The following CSRNP3 variants were observed in gnomAD, a reference collection of about 807,000 sequenced individuals.
CSRNP3 encodes the protein cysteine and serine rich nuclear protein 3, also known as cysteine/serine-rich nuclear protein 3.
CSRNP3 carries 12 observed loss-of-function variants against 48.0 expected under a neutral mutation model. The ratio of observed to expected loss-of-function variants is 0.25; its 90% confidence interval spans 0.16 to 0.41. CSRNP3 has a LOEUF of 0.41. CSRNP3 is among the 10% of genes least tolerant of loss of function. CSRNP3 has a pLI of 1.00. For missense variants in CSRNP3, 580 were observed against 724.4 expected (o/e 0.80, Z 2.29); for synonymous variants, 263 against 269.7 (o/e 0.98, Z 0.24).
At chr2:165,538,867 A>T (rs921202313) in intron 3 of CSRNP3, among the ~76,000 whole-genome samples, 4 of 151,892 alleles carry the variant, frequency 2.6e-5, no homozygotes, top group African/African-American at 9.7e-5. Flanking sequence ...TGCCATTCCT[A>T]GGTACCTGTT....
At chr2:165,580,936 T>G (rs753795070) in intron 3 of CSRNP3, among the ~76,000 whole-genome samples, 1 of 152,172 alleles carries the variant, frequency 6.6e-6, no homozygotes, top group Non-Finnish European at 1.5e-5. Context: ...TTCTTTAGTC[T>G]TAATTGCAAG....
At chr2:165,661,159 T>C (rs1687090883) in intron 5 of CSRNP3, among the ~76,000 whole-genome samples, 1 of 152,234 alleles carries the variant, frequency 6.6e-6, no homozygotes, top group African/African-American at 2.4e-5. Context: ...AATTTCACTC[T>C]GATACTTGAA....
At chr2:165,527,966 A>G (rs747316503) in intron 3 of CSRNP3, among the ~76,000 whole-genome samples, 1 of 151,424 alleles carries the variant, frequency 6.6e-6, no homozygotes, top group African/African-American at 2.4e-5. Flanking sequence ...AAAGAGAAAA[A>G]AGAGAGAGAG....
At chr2:165,476,730 C>T (rs1683967024) in intron 1 of CSRNP3, among the ~76,000 whole-genome samples, 1 of 152,184 alleles carries the variant, frequency 6.6e-6, no homozygotes, top group Admixed American at 6.5e-5. Context: ...TAAATTTGGA[C>T]CAGTTACTTA....
intron 4 of CSRNP3, among the ~76,000 whole-genome samples, chr2:165,644,085 C>T (rs1204879752): frequency 1.3e-5 from 2 of 152,170 alleles, no homozygotes; most frequent in Non-Finnish European, 2.9e-5. Context: ...TCAGGTAACT[C>T]TTCCCCCACC....
At chr2:165,531,781 G>T (rs1353711788) in intron 3 of CSRNP3, among the ~76,000 whole-genome samples, 2 of 151,938 alleles carry the variant, frequency 1.3e-5, no homozygotes, top group East Asian at 1.9e-4. Context: ...CTGGTTTTTT[G>T]AAAAGATCAA....
intron 2 of CSRNP3, among the ~76,000 whole-genome samples, chr2:165,497,761 T>A (rs2105462821): frequency 6.6e-6 from 1 of 152,136 alleles, no homozygotes; most frequent in South Asian, 2.1e-4. Flanking sequence ...AAATGTGAGC[T>A]GGTGGCAGAG....
At chr2:165,628,407 T>C (rs558222139) in intron 4 of CSRNP3, among the ~76,000 whole-genome samples, 1 of 152,292 alleles carries the variant, frequency 6.6e-6, no homozygotes, top group East Asian at 1.9e-4. Context: ...CTAGTGGTTC[T>C]CAAAGTATAG....
At chr2:165,543,464 A>T (rs1382846728) in intron 3 of CSRNP3, among the ~76,000 whole-genome samples, 3 of 152,116 alleles carry the variant, frequency 2.0e-5, no homozygotes, top group African/African-American at 7.2e-5. Context: ...CCACATTTCC[A>T]ATATTATTTA....
chr2:165,643,802 A>G (rs967420499), intron 4 of CSRNP3, among the ~76,000 whole-genome samples: 1 of 152,162 alleles, frequency 6.6e-6, no homozygotes, highest in South Asian at 2.1e-4. Context: ...TTACCCCTAC[A>G]ACATTGAATT....
chr2:165,491,833 G>T (rs1202278956), intron 1 of CSRNP3, among the ~76,000 whole-genome samples: 1 of 133,282 alleles, frequency 7.5e-6, no homozygotes, highest in Non-Finnish European at 1.6e-5. Flanking sequence ...ATAGCATTGG[G>T]AGATATACCT....
intron 3 of CSRNP3, among the ~76,000 whole-genome samples, chr2:165,531,486 G>C (rs1285770604): frequency 1.3e-5 from 2 of 152,146 alleles, no homozygotes; most frequent in African/African-American, 4.8e-5. Context: ...TTCTCTATGA[G>C]TGAGAGAGAA....
At chr2:165,548,246 A>G (rs1382110128) in intron 3 of CSRNP3, among the ~76,000 whole-genome samples, 1 of 152,032 alleles carries the variant, frequency 6.6e-6, no homozygotes, top group African/African-American at 2.4e-5. Context: ...CATCTCCTAA[A>G]ATATCATGGG....
At position 165,595,206 on chromosome 2, in the gene CSRNP3, T is replaced by C. The variant is rs1438969844; in HGVS notation, c.141T>C (p.His47=). 2.5e-6 allele frequency: 4 copies of C among 1,609,610 alleles called. No homozygotes were observed. The highest frequency in any genetic ancestry group is 2.5e-6 in the Non-Finnish European group (3 of 1,176,736). ...GTGTCAATCCATCCACTTCTAGTCA[T>C]TTTACCCGTGAGTACTGAAATCAGA... The part of the protein sequence containing the change: ...GDSVNPSTSS[H]FTPSSILKRE... Residue 47 remains histidine, a synonymous_variant, in exon 4 of 7, where the codon CAT becomes CAC. Transcript: ENST00000651982.
At chr2:165,635,414 CAA>C (rs201882798) in intron 4 of CSRNP3, among the ~76,000 whole-genome samples, 2,794 of 152,276 alleles carry the variant, frequency 0.018, 82 homozygotes, top group African/African-American at 0.064. Context: ...ACTTTAAATT[CAA>C]AGTCATTGGA....
chr2:165,606,920 A>C (rs1415944161), intron 4 of CSRNP3, among the ~76,000 whole-genome samples: 1 of 152,144 alleles, frequency 6.6e-6, no homozygotes, highest in African/African-American at 2.4e-5. Context: ...CTAGGGATGA[A>C]GAGTAGAATG....
chr2:165,647,665 G>C (rs967407820), intron 4 of CSRNP3, among the ~76,000 whole-genome samples: 6 of 152,172 alleles, frequency 3.9e-5, no homozygotes, highest in Admixed American at 3.3e-4. Context: ...AATGGTGAGA[G>C]AGCAGTAGGC....
chr2:165,584,150 A>C (rs1485509290), intron 3 of CSRNP3, among the ~76,000 whole-genome samples: 1 of 152,126 alleles, frequency 6.6e-6, no homozygotes, highest in African/African-American at 2.4e-5. Flanking sequence ...CAAAATTAGG[A>C]ATGCTTTTGT....
At chr2:165,623,528 T>C (rs77607736) in intron 4 of CSRNP3, among the ~76,000 whole-genome samples, 2,024 of 152,292 alleles carry the variant, frequency 0.013, 51 homozygotes, top group African/African-American at 0.046. Flanking sequence ...ATATAAAATA[T>C]ATGGAAGGAT....
Sources: gnomAD v4.1 joint callset for allele counts (sites outside exome capture counted in the v4.1 genomes callset) on GRCh38, gnomAD v4.1.1 for gene constraint, MANE v1.5 for transcripts, NCBI Gene and HGNC (gene_info 2026-07-23, HGNC 2026-07-21) for gene names.